The following CNTNAP2 variants were observed in gnomAD, a reference collection of about 807,000 sequenced individuals.
CNTNAP2 encodes contactin associated protein 2.
CNTNAP2 carries 98 observed loss-of-function variants against 155.2 expected under a neutral mutation model. The observed-to-expected ratio is 0.63, with a 90% CI of 0.54 to 0.75. CNTNAP2 has a LOEUF of 0.75. CNTNAP2 is among the 30% of genes least tolerant of loss of function. The pLI, the probability that CNTNAP2 is intolerant of heterozygous loss-of-function variation, is 0.00. For missense variants in CNTNAP2, 1,727 were observed against 1,688.1 expected, an observed-to-expected ratio of 1.02 and a Z score of -0.40; for synonymous variants, 651 against 631.2, an observed-to-expected ratio of 1.03 and a Z score of -0.47.
intron 1 of CNTNAP2, among the ~76,000 whole-genome samples, chr7:146,745,265 A>C (rs17170237): frequency 6.6e-6 from 1 of 152,004 alleles, no homozygotes; most frequent in African/African-American, 2.4e-5. Flanking sequence ...ATTAGTCCTA[A>C]TTGTGCTAGG....
chr7:147,279,120 G>A (rs1317749117), intron 8 of CNTNAP2, among the ~76,000 whole-genome samples: 2 of 151,594 alleles, frequency 1.3e-5, no homozygotes, highest in East Asian at 1.9e-4. Flanking sequence ...CCTACATTTT[G>A]ACATGTTATA....
At chr7:146,224,148 G>A (rs983282111) in intron 1 of CNTNAP2, among the ~76,000 whole-genome samples, 3 of 152,118 alleles carry the variant, frequency 2.0e-5, no homozygotes, top group African/African-American at 7.2e-5. Context: ...TGCAGCAGAT[G>A]CCAATAAGTA....
At chr7:146,559,248 A>G (rs1159463506) in intron 1 of CNTNAP2, among the ~76,000 whole-genome samples, 4 of 152,094 alleles carry the variant, frequency 2.6e-5, no homozygotes, top group African/African-American at 9.7e-5. Context: ...ATTGTACCCC[A>G]TAAATGTATA....
At chr7:146,321,385 G>A (rs948053855) in intron 1 of CNTNAP2, among the ~76,000 whole-genome samples, 1 of 152,070 alleles carries the variant, frequency 6.6e-6, no homozygotes, top group Admixed American at 6.6e-5. Flanking sequence ...CTTTAAAATC[G>A]AGAACATCCC....
At chr7:146,363,937 A>G (rs1327440212) in intron 1 of CNTNAP2, among the ~76,000 whole-genome samples, 4 of 152,188 alleles carry the variant, frequency 2.6e-5, no homozygotes, top group Non-Finnish European at 5.9e-5. Flanking sequence ...AAAGCAAGAG[A>G]GAATTCAAAG....
chr7:147,631,145 G>A (rs1221312128), intron 12 of CNTNAP2, among the ~76,000 whole-genome samples: 1 of 152,076 alleles, frequency 6.6e-6, no homozygotes. Flanking sequence ...TAAAATCAAT[G>A]TACACAATTC....
intron 8 of CNTNAP2, among the ~76,000 whole-genome samples, chr7:147,137,872 CGTAGATAG>C (rs1400629590): frequency 1.6e-4 from 19 of 118,560 alleles, no homozygotes; most frequent in African/African-American, 5.6e-4. Flanking sequence ...TAGATAGATA[CGTAGATAG>C]ATAGATAGAT....
At chr7:147,260,182 C>T (rs911387909) in intron 8 of CNTNAP2, among the ~76,000 whole-genome samples, 16 of 152,164 alleles carry the variant, frequency 1.1e-4, no homozygotes, top group Non-Finnish European at 1.8e-4. Flanking sequence ...CTATTCATGG[C>T]TTCCTAGTTT....
intron 15 of CNTNAP2, among the ~76,000 whole-genome samples, chr7:148,003,339 G>A (rs1036319104): frequency 1.8e-4 from 27 of 152,130 alleles, no homozygotes; most frequent in Admixed American, 1.8e-3. Flanking sequence ...AATACTTCCT[G>A]TTTGCTAATG....
intron 1 of CNTNAP2, among the ~76,000 whole-genome samples, chr7:146,134,348 G>A (rs1184875530): frequency 0.014 from 2,010 of 139,276 alleles, 11 homozygotes; most frequent in Middle Eastern, 0.026. Flanking sequence ...CAATCATGTC[G>A]TCTGCAAACA....
chr7:146,210,989 A>G (rs897774005), intron 1 of CNTNAP2, among the ~76,000 whole-genome samples: 6 of 152,182 alleles, frequency 3.9e-5, no homozygotes, highest in African/African-American at 7.2e-5. Flanking sequence ...ATAACACCTG[A>G]AAGGAAAGTG....
chr7:146,818,715 A>G (rs188574714), intron 2 of CNTNAP2, among the ~76,000 whole-genome samples: 8 of 152,302 alleles, frequency 5.3e-5, no homozygotes, highest in Admixed American at 4.6e-4. Context: ...TGTGACCACT[A>G]AATGAAAACT....
intron 1 of CNTNAP2, among the ~76,000 whole-genome samples, chr7:146,470,064 C>T (rs1294117028): frequency 6.6e-6 from 1 of 151,722 alleles, no homozygotes; most frequent in South Asian, 2.1e-4. Flanking sequence ...TGGTCTCGAT[C>T]TCCTGACCTC....
intron 8 of CNTNAP2, among the ~76,000 whole-genome samples, chr7:147,240,775 A>G (rs984654132): frequency 1.3e-5 from 2 of 152,226 alleles, no homozygotes; most frequent in African/African-American, 4.8e-5. Flanking sequence ...GTTTAATTAC[A>G]TATTTGTAAA....
chr7:146,325,832 G>T (rs1239493243), intron 1 of CNTNAP2, among the ~76,000 whole-genome samples: 2 of 151,986 alleles, frequency 1.3e-5, no homozygotes, highest in Non-Finnish European at 2.9e-5. Flanking sequence ...CATAGTTTGG[G>T]TAATAATAAT....
intron 1 of CNTNAP2, among the ~76,000 whole-genome samples, chr7:146,710,924 A>G (rs193219150): frequency 2.6e-5 from 4 of 152,158 alleles, no homozygotes; most frequent in African/African-American, 4.8e-5. Flanking sequence ...CAGCTGGCCC[A>G]TTGCAAAGCA....
intron 22 of CNTNAP2, among the ~76,000 whole-genome samples, chr7:148,394,162 T>A (rs933878891): frequency 6.6e-6 from 1 of 152,200 alleles, no homozygotes; most frequent in Admixed American, 6.5e-5. Context: ...TTGTGTTTTA[T>A]TTGTAAGTTC....
At chr7:147,995,194 A>G (rs1801780918) in intron 15 of CNTNAP2, among the ~76,000 whole-genome samples, 1 of 152,196 alleles carries the variant, frequency 6.6e-6, no homozygotes, top group Admixed American at 6.5e-5. Context: ...CCCAAAACCC[A>G]GACTCCCAGA....
chr7:147,303,678 T>C (rs565634843), intron 9 of CNTNAP2, among the ~76,000 whole-genome samples: 1 of 152,364 alleles, frequency 6.6e-6, no homozygotes, highest in South Asian at 2.1e-4. Context: ...CCTTTAATAC[T>C]GTATCTTACT....
Sources: gnomAD v4.1 joint callset for allele counts (sites outside exome capture counted in the v4.1 genomes callset) on GRCh38, gnomAD v4.1.1 for gene constraint, MANE v1.5 for transcripts, NCBI Gene and HGNC (gene_info 2026-07-23, HGNC 2026-07-21) for gene names.